Variants in CDH7 observed in about 807,000 individuals in gnomAD.
The protein encoded by CDH7 is cadherin 7, also known as cadherin-7.
In CDH7, 25 loss-of-function variants were observed where a neutral mutation model predicts 71.8. The ratio of observed to expected loss-of-function variants is 0.35; its 90% CI spans 0.25 to 0.49. CDH7 has a LOEUF of 0.49. CDH7 is among the 20% of genes least tolerant of loss of function. The pLI, the probability that CDH7 is intolerant of heterozygous loss-of-function variation, is 0.99. For missense variants in CDH7, 862 were observed against 974.6 expected, an observed-to-expected ratio of 0.88 and a Z score of 1.54; for synonymous variants, 381 against 363.8, an observed-to-expected ratio of 1.05 and a Z score of -0.54.
At chr18:65,830,114 C>T (rs1001956568) in intron 6 of CDH7, among the ~76,000 whole-genome samples, 2 of 152,080 alleles carry the variant, frequency 1.3e-5, no homozygotes, top group African/African-American at 4.8e-5. Flanking sequence ...AGAGACTTCA[C>T]TTATGAGATA....
chr18:65,829,227 C>A (rs1034393810), intron 6 of CDH7, among the ~76,000 whole-genome samples: 3 of 151,976 alleles, frequency 2.0e-5, no homozygotes, highest in African/African-American at 7.2e-5. Context: ...TCACGCCATT[C>A]TCCTGCCTCA....
chr18:65,799,318 G>A (rs1294049623), intron 2 of CDH7, among the ~76,000 whole-genome samples: 1 of 151,988 alleles, frequency 6.6e-6, no homozygotes, highest in Non-Finnish European at 1.5e-5. Context: ...AACCTGGTAG[G>A]ATCACCCTGC....
At chr18:65,859,392 G>GTGCA (rs1321788582) in intron 9 of CDH7, among the ~76,000 whole-genome samples, 9 of 152,290 alleles carry the variant, frequency 5.9e-5, no homozygotes, top group African/African-American at 2.2e-4. Flanking sequence ...TAAGAATTAA[G>GTGCA]TGCAGTTCAA....
intron 3 of CDH7, among the ~76,000 whole-genome samples, chr18:65,813,883 G>C (rs1911630862): frequency 6.6e-6 from 1 of 152,062 alleles, no homozygotes; most frequent in African/African-American, 2.4e-5. Flanking sequence ...TTTTACGAGG[G>C]GTTTGGTTTA....
intron 5 of CDH7, among the ~76,000 whole-genome samples, chr18:65,823,095 A>T (rs559099444): frequency 1.1e-4 from 17 of 152,072 alleles, no homozygotes; most frequent in African/African-American, 4.1e-4. Flanking sequence ...TTAGAAGTGA[A>T]TCATATCAAA....
At chr18:65,829,910 A>G (rs1427387515) in intron 6 of CDH7, among the ~76,000 whole-genome samples, 1 of 151,950 alleles carries the variant, frequency 6.6e-6, no homozygotes, top group African/African-American at 2.4e-5. Context: ...TGTGGCCACA[A>G]GGATTGAATA....
intron 2 of CDH7, among the ~76,000 whole-genome samples, chr18:65,805,359 C>A (rs1373316274): frequency 1.3e-5 from 2 of 152,108 alleles, no homozygotes; most frequent in Non-Finnish European, 2.9e-5. Flanking sequence ...GAGAACTAGT[C>A]CAGCATGCTT....
intron 2 of CDH7, among the ~76,000 whole-genome samples, chr18:65,774,800 C>T (rs993670733): frequency 6.6e-6 from 1 of 152,058 alleles, no homozygotes; most frequent in Non-Finnish European, 1.5e-5. Context: ...ATCACCATCT[C>T]TCTAATTCCC....
intron 6 of CDH7, among the ~76,000 whole-genome samples, chr18:65,827,522 A>T (rs1912176189): frequency 6.6e-6 from 1 of 151,940 alleles, no homozygotes; most frequent in Non-Finnish European, 1.5e-5. Flanking sequence ...GACAGTTCAG[A>T]TGTTGAATGC....
intron 6 of CDH7, among the ~76,000 whole-genome samples, chr18:65,839,356 T>G (rs1197445362): frequency 6.6e-6 from 1 of 152,154 alleles, no homozygotes; most frequent in African/African-American, 2.4e-5. Flanking sequence ...AGCCATATCC[T>G]GTGTCCTCTC....
chr18:65,811,293 G>A (rs1254121339), intron 3 of CDH7, among the ~76,000 whole-genome samples: 1 of 152,066 alleles, frequency 6.6e-6, no homozygotes, highest in East Asian at 1.9e-4. Context: ...CTCTTAAGGG[G>A]ATCACAGTTT....
At chr18:65,786,291 A>T (rs1303482446) in intron 2 of CDH7, among the ~76,000 whole-genome samples, 2 of 152,148 alleles carry the variant, frequency 1.3e-5, no homozygotes, top group Admixed American at 1.3e-4. Context: ...CCAAGGGTAG[A>T]TATGAGTTTT....
intron 2 of CDH7, among the ~76,000 whole-genome samples, chr18:65,776,590 T>C (rs1909953090): frequency 6.6e-6 from 1 of 152,150 alleles, no homozygotes; most frequent in Non-Finnish European, 1.5e-5. Flanking sequence ...AGATTGCTTG[T>C]TAATCTCTCA....
At chr18:65,807,142 T>C (rs541810029) in intron 2 of CDH7, among the ~76,000 whole-genome samples, 3 of 151,938 alleles carry the variant, frequency 2.0e-5, no homozygotes, top group African/African-American at 7.2e-5. Flanking sequence ...GGGTAGGTAA[T>C]AGAAGAGAAA....
chr18:65,864,889 T>TAAAA (rs1191269381), intron 11 of CDH7, among the ~76,000 whole-genome samples: 8 of 85,930 alleles, frequency 9.3e-5, no homozygotes, highest in African/African-American at 3.7e-4. Flanking sequence ...AGACTCCATC[T>TAAAA]AAAAAAAAAA....
At chr18:65,778,039 G>A (rs533537172) in intron 2 of CDH7, among the ~76,000 whole-genome samples, 12 of 152,186 alleles carry the variant, frequency 7.9e-5, no homozygotes, top group East Asian at 3.9e-4. Flanking sequence ...TTGGAAAGCC[G>A]AGGCGGGTGG....
chr18:65,816,551 T>C (rs746694920), intron 4 of CDH7, among the ~76,000 whole-genome samples: 11 of 152,168 alleles, frequency 7.2e-5, no homozygotes, highest in Non-Finnish European at 1.6e-4. Context: ...TAAATAAAAA[T>C]TGCATAACCA....
At chr18:65,834,578 GACTA>G (rs1221375729) in intron 6 of CDH7, among the ~76,000 whole-genome samples, 1 of 152,092 alleles carries the variant, frequency 6.6e-6, no homozygotes, top group Non-Finnish European at 1.5e-5. Context: ...TTATCAAAAA[GACTA>G]ACAAACAAAG....
rs745894146 is a variant in CDH7 at position 65,809,887 on chromosome 18, C to G, written c.394C>G (p.Pro132Ala). 6.2e-7 allele frequency: 1 copy of G among 1,613,956 alleles called. No individual in the cohort carries two copies. The highest frequency in any genetic ancestry group is 8.5e-7 in the Non-Finnish European group (1 of 1,179,998). Residue 132 changes from proline to alanine, a missense_variant, in exon 3 of 12, where the codon CCC becomes GCC. By Grantham distance (27) the Pro-to-Ala change is conservative. Coordinates refer to ENST00000397968, the MANE Select transcript of CDH7 (RefSeq NM_004361.5). The stretch of plus-strand genomic sequence containing the variant: ...AGCGCTGGATAGGCTCACCAACAAA[C>G]CCGTGGAGCCCGAGTCGGAGTTTGT... ...AQALDRLTNK[P>A]VEPESEFVIK...
Sources: allele counts gnomAD v4.1 joint callset (sites outside exome capture counted in the v4.1 genomes callset), GRCh38; gene constraint gnomAD v4.1.1; transcripts MANE v1.5; gene names NCBI Gene and HGNC (gene_info 2026-07-23, HGNC 2026-07-21).